Variants in XPNPEP3 observed in about 807,000 individuals in gnomAD.
XPNPEP3 encodes xaa-Pro aminopeptidase 3.
XPNPEP3 carries 41 observed loss-of-function variants against 60.0 expected under a neutral mutation model. That is an observed-to-expected ratio of 0.68 (90% CI 0.53 to 0.89). The LOEUF is 0.89. XPNPEP3 is among the 40% of genes least tolerant of loss of function. The pLI is 0.00. For synonymous variants in XPNPEP3, 212 were observed against 223.2 expected (o/e 0.95, Z 0.45); for missense variants, 598 against 638.9 (o/e 0.94, Z 0.69).
rs923900948 is a variant in XPNPEP3 at position 40,931,332 on chromosome 22, A to G, written c.*4897A>G. On this transcript the variant is annotated 3_prime_UTR_variant, in exon 10 of 10. Coordinates refer to ENST00000357137, the MANE Select transcript of XPNPEP3 (RefSeq NM_022098.4). ...CATATCTGGATATCCAGTGTCACAT[A>G]CTTTTATGTATTTATTTCAGGAATT... 1.3e-5 allele frequency: 2 copies of G among 152,206 alleles called. No individual in the cohort carries two copies. The highest frequency in any genetic ancestry group is 4.8e-5 in the African/African-American group (2 of 41,444). 9.4% of individuals were successfully genotyped at this position (152,206 alleles called of 1,614,324 possible).
At chr22:40,921,831 G>T (rs1247747202) in intron 7 of XPNPEP3, among the ~76,000 whole-genome samples, 1 of 151,866 alleles carries the variant, frequency 6.6e-6, no homozygotes, top group Non-Finnish European at 1.5e-5. Context: ...ATCATCCCAG[G>T]TCACTTTTTT....
intron 1 of XPNPEP3, among the ~76,000 whole-genome samples, chr22:40,867,314 C>T (rs888275476): frequency 1.3e-5 from 2 of 152,140 alleles, no homozygotes; most frequent in Non-Finnish European, 2.9e-5. Flanking sequence ...ATCCCTCCCC[C>T]TTGCCGCTCA....
At chr22:40,904,859 G>C (rs1324354596) in intron 4 of XPNPEP3, among the ~76,000 whole-genome samples, 2 of 151,936 alleles carry the variant, frequency 1.3e-5, no homozygotes, top group Non-Finnish European at 2.9e-5. Context: ...CCACCTTCCG[G>C]GTACAAGTGA....
Position 40,932,615 on chromosome 22 carries a change from C to T in XPNPEP3, c.*6180C>T, listed in dbSNP as rs1169266687. On this transcript the variant is annotated 3_prime_UTR_variant, in exon 10 of 10. Transcript: ENST00000357137. ...GGAATCAAGGCTTCTTGGAATTGCG[C>T]AAGAATCTGAGAAAACTTCAATCTT... The T allele has an allele frequency of 1.3e-5, 2 of 152,096 alleles. No individual in the cohort carries two copies. Among genetic ancestry groups the T allele is most frequent in the Non-Finnish European group, 2.9e-5 (2 of 68,018 alleles). The allele number at this position is 152,096 out of a possible 1,614,324, so 9.4% of individuals were successfully genotyped here. A position where few individuals can be genotyped will look rare whatever the true frequency, so the allele number is the denominator to read the frequency against.
chr22:40,892,763 A>G (rs924357157), intron 4 of XPNPEP3, among the ~76,000 whole-genome samples: 1 of 152,138 alleles, frequency 6.6e-6, no homozygotes, highest in Non-Finnish European at 1.5e-5. Flanking sequence ...ACTCATTTCA[A>G]TGTACTTTCC....
rs1193614345 is a variant in XPNPEP3 at position 40,930,925 on chromosome 22, T to C, written c.*4490T>C. The C allele has an allele frequency of 6.6e-6, 1 of 152,308 alleles. No individual in the cohort carries two copies. Among genetic ancestry groups the C allele is most frequent in the African/African-American group, 2.4e-5 (1 of 41,400 alleles). 9.4% of individuals were successfully genotyped at this position (152,308 alleles called of 1,614,324 possible). A position where few individuals can be genotyped will look rare whatever the true frequency, so the allele number is the denominator to read the frequency against. On this transcript the variant is annotated 3_prime_UTR_variant, in exon 10 of 10. Coordinates refer to ENST00000357137, the MANE Select transcript of XPNPEP3 (RefSeq NM_022098.4). ...GTGTAGTGGCGCCATCTTGGCTCACTGCAACCTCCAACTCCCTGGTTCAAG... is the reference window on the plus strand; with the variant it reads ...GTGTAGTGGCGCCATCTTGGCTCACCGCAACCTCCAACTCCCTGGTTCAAG...
At chr22:40,911,614 A>G in intron 6 of XPNPEP3, among the ~76,000 whole-genome samples, 1 of 148,964 alleles carries the variant, frequency 6.7e-6, no homozygotes, top group South Asian at 2.1e-4. Context: ...GTCTCGGCTC[A>G]CTGCAACCTC....
chr22:40,882,201 C>T, intron 3 of XPNPEP3, 24 bp downstream of exon 3: 1 of 1,613,416 alleles, frequency 6.2e-7, no homozygotes, highest in Non-Finnish European at 8.5e-7. Flanking sequence ...GCAGAAGTCA[C>T]ATTACAAACC....
chr22:40,926,005 T>C (rs972322606), intron 9 of XPNPEP3, among the ~76,000 whole-genome samples: 1 of 152,142 alleles, frequency 6.6e-6, no homozygotes, highest in Non-Finnish European at 1.5e-5. Flanking sequence ...TGATCAGCAT[T>C]GCCGTAGTTG....
chr22:40,906,696 C>A (rs890275082), intron 4 of XPNPEP3, among the ~76,000 whole-genome samples: 13 of 152,164 alleles, frequency 8.5e-5, no homozygotes, highest in African/African-American at 2.9e-4. Context: ...TAATTTCATA[C>A]ATGGGGCTAT....
intron 6 of XPNPEP3, 84 bp downstream of exon 6, chr22:40,909,319 C>A: frequency 9.6e-7 from 1 of 1,043,218 alleles, no homozygotes; most frequent in Non-Finnish European, 1.5e-6. Flanking sequence ...CTCTCACCTT[C>A]AGCTTTCACA....
At chr22:40,914,381 A>T in intron 7 of XPNPEP3, 57 bp downstream of exon 7, 1 of 1,424,630 alleles carries the variant, frequency 7.0e-7, no homozygotes, top group Non-Finnish European at 9.9e-7. Flanking sequence ...GAGTTGGAAT[A>T]TGGCTATATT....
At chr22:40,880,744 T>TGCGC (rs940571193) in intron 2 of XPNPEP3, among the ~76,000 whole-genome samples, 1 of 148,696 alleles carries the variant, frequency 6.7e-6, no homozygotes, top group Non-Finnish European at 1.5e-5. Flanking sequence ...AGGCCAAGAT[T>TGCGC]GCGCCACTGC....
Position 40,862,139 on chromosome 22 carries a change from A to G in XPNPEP3, c.64+4894A>G, listed in dbSNP as rs570906219. On this transcript the variant is annotated intron_variant, in intron 1 of 9. Coordinates refer to ENST00000357137, the MANE Select transcript of XPNPEP3 (RefSeq NM_022098.4). Reference sequence around the variant, plus strand: ...AAAGACAATGTTATTACCATGTGCTAAGAGATGAGGATACTGATTATGTGG... The same window carrying G: ...AAAGACAATGTTATTACCATGTGCTGAGAGATGAGGATACTGATTATGTGG... 2.4e-5 allele frequency: 35 copies of G among 1,458,920 alleles called. No individual in the cohort carries two copies. In the African/African-American group the frequency reaches 4.7e-4, roughly 20 times the overall value. 90.4% of individuals were successfully genotyped at this position (1,458,920 alleles called of 1,614,324 possible).
intron 7 of XPNPEP3, among the ~76,000 whole-genome samples, chr22:40,919,311 T>C (rs1185594951): frequency 6.6e-6 from 1 of 152,096 alleles, no homozygotes; most frequent in East Asian, 1.9e-4. Context: ...TCCCAGCACT[T>C]TGGGAGGCCA....
chr22:40,906,395 T>TGGGATGA (rs2058155667), intron 4 of XPNPEP3, among the ~76,000 whole-genome samples: 1 of 149,948 alleles, frequency 6.7e-6, no homozygotes, highest in African/African-American at 2.5e-5. Flanking sequence ...CACTCCAGCC[T>TGGGATGA]GTGGGATGGA....
At chr22:40,895,848 G>A (rs1463265223) in intron 4 of XPNPEP3, among the ~76,000 whole-genome samples, 3 of 151,988 alleles carry the variant, frequency 2.0e-5, no homozygotes, top group Admixed American at 6.6e-5. Flanking sequence ...AGACAGTATC[G>A]TACACTGTCT....
Position 40,886,431 on chromosome 22 carries a change from T to A in XPNPEP3, c.708T>A (p.Val236=). The A allele has an allele frequency of 6.2e-7, 1 of 1,614,140 alleles. No individual in the cohort carries two copies. The stretch of plus-strand genomic sequence containing the variant: ...AGAGCAAGAACAAGGTTCGGGGTGT[T>A]CAGCAGCTGATACAGCGCCTCCGGC... ...KAKSKNKVRG[V]QQLIQRLRLI... is the part of the protein sequence containing the mutation. The change falls in exon 4 of 10, where the codon GTT becomes GTA. Residue 236 remains valine, a synonymous_variant. Coordinates refer to ENST00000357137, the MANE Select transcript of XPNPEP3 (RefSeq NM_022098.4).
chr22:40,930,039 A>G lies in XPNPEP3; in HGVS notation c.*3604A>G, dbSNP rs985943382. On this transcript the variant is annotated 3_prime_UTR_variant, in exon 10 of 10. Coordinates refer to ENST00000357137, the MANE Select transcript of XPNPEP3 (RefSeq NM_022098.4). Reference sequence around the variant, plus strand: ...GCCTTTGCAAGTTCATAAACTTCTAAGGGTAAAAAGTGAATAAGATAAATT... The same window carrying G: ...GCCTTTGCAAGTTCATAAACTTCTAGGGGTAAAAAGTGAATAAGATAAATT... The G allele has an allele frequency of 1.3e-5, 2 of 152,038 alleles. No individual in the cohort carries two copies. Among genetic ancestry groups the G allele is most frequent in the East Asian group, 3.8e-4 (2 of 5,202 alleles). The allele number at this position is 152,038 out of a possible 1,614,324, so 9.4% of individuals were successfully genotyped here.
Sources: gnomAD v4.1 joint callset for allele counts (sites outside exome capture counted in the v4.1 genomes callset) on GRCh38, gnomAD v4.1.1 for gene constraint, MANE v1.5 for transcripts, NCBI Gene and HGNC (gene_info 2026-07-23, HGNC 2026-07-21) for gene names.